Variants in MAP2K4 observed in about 807,000 individuals in gnomAD.
The protein encoded by MAP2K4 is dual specificity mitogen-activated protein kinase kinase 4.
Under a neutral mutation model 48.5 loss-of-function variants are expected in MAP2K4, and 4 were observed. That is an observed-to-expected ratio of 0.08 (90% CI 0.04 to 0.19). The LOEUF is 0.19. Ranked by LOEUF, MAP2K4 falls within the 10% of genes least tolerant of loss-of-function variation. MAP2K4 has a pLI of 1.00. For synonymous variants in MAP2K4, 166 were observed against 173.1 expected (o/e 0.96, Z 0.32); for missense variants, 258 against 493.3 (o/e 0.52, Z 4.52).
chr17:12,107,691 C>A, intron 4 of MAP2K4, 99 bp from the exon 5 acceptor site: 2 of 1,024,928 alleles, frequency 2.0e-6, no homozygotes, highest in Non-Finnish European at 2.9e-6. Flanking sequence ...TTGAAATAAG[C>A]AAGAATAAGA....
At position 12,110,445 on chromosome 17, in the gene MAP2K4, T is replaced by G. The variant is rs781442596; in HGVS notation, c.685+19T>G. On this transcript the variant is annotated intron_variant, in intron 6 of 10. Coordinates refer to ENST00000353533, the MANE Select transcript of MAP2K4 (RefSeq NM_003010.4). ...CACAGAGGTGGGTATGGATTGGTAT[T>G]TTTTGTAATAGAAATTAACTTTTTT... The G allele has an allele frequency of 1.3e-6, 2 of 1,567,626 alleles. No homozygotes were observed. Among genetic ancestry groups the G allele is most frequent in the South Asian group, 2.3e-5 (2 of 88,176 alleles).
At chr17:12,082,658 G>A (rs1971230728) in intron 3 of MAP2K4, among the ~76,000 whole-genome samples, 1 of 152,084 alleles carries the variant, frequency 6.6e-6, no homozygotes, top group South Asian at 2.1e-4. Flanking sequence ...CTTTTTGCTG[G>A]GTCATATGAA....
At chr17:12,106,561 A>G (rs1972119355) in intron 4 of MAP2K4, among the ~76,000 whole-genome samples, 1 of 152,122 alleles carries the variant, frequency 6.6e-6, no homozygotes. Flanking sequence ...ACAGGCATTA[A>G]TCTCCTATAT....
intron 2 of MAP2K4, among the ~76,000 whole-genome samples, chr17:12,066,883 G>GC (rs1567642009): frequency 6.6e-6 from 1 of 152,164 alleles, no homozygotes; most frequent in African/African-American, 2.4e-5. Context: ...TAGAGACGGG[G>GC]CTTCACCGTG....
intron 2 of MAP2K4, among the ~76,000 whole-genome samples, chr17:12,076,047 T>G (rs1333361944): frequency 6.6e-6 from 1 of 152,150 alleles, no homozygotes; most frequent in Non-Finnish European, 1.5e-5. Flanking sequence ...CTGGTACTGC[T>G]GCTGAATTTG....
At chr17:12,076,074 C>T (rs980038211) in intron 2 of MAP2K4, among the ~76,000 whole-genome samples, 2 of 152,090 alleles carry the variant, frequency 1.3e-5, no homozygotes, top group Admixed American at 1.3e-4. Flanking sequence ...AAACACACTG[C>T]ATCTAATAGA....
chr17:12,080,436 A>AT (rs1483178116), intron 2 of MAP2K4, among the ~76,000 whole-genome samples: 1 of 152,070 alleles, frequency 6.6e-6, no homozygotes, highest in African/African-American at 2.4e-5. Flanking sequence ...AAACAGATTG[A>AT]TTTTACATTT....
intron 7 of MAP2K4, among the ~76,000 whole-genome samples, chr17:12,116,704 A>G (rs144182443): frequency 0.011 from 1,723 of 152,264 alleles, 21 homozygotes; most frequent in Middle Eastern, 0.048. Flanking sequence ...CTACATCCAC[A>G]TCTTGCCCCA....
At chr17:12,118,324 G>A (rs547135392) in intron 7 of MAP2K4, among the ~76,000 whole-genome samples, 26 of 152,242 alleles carry the variant, frequency 1.7e-4, no homozygotes, top group African/African-American at 5.8e-4. Context: ...AAACTGTGAC[G>A]GGATGTATTA....
chr17:12,087,428 A>G (rs971819076), intron 3 of MAP2K4, among the ~76,000 whole-genome samples: 5 of 152,266 alleles, frequency 3.3e-5, no homozygotes, highest in African/African-American at 1.2e-4. Flanking sequence ...AGAAGATGAT[A>G]CCACTCTTAC....
At chr17:12,101,516 A>C (rs1310871261) in intron 4 of MAP2K4, among the ~76,000 whole-genome samples, 1 of 152,010 alleles carries the variant, frequency 6.6e-6, no homozygotes, top group African/African-American at 2.4e-5. Context: ...TTTAGAATCC[A>C]CTTGTCGATT....
chr17:12,083,464 G>A (rs1393253531), intron 3 of MAP2K4, among the ~76,000 whole-genome samples: 6 of 152,194 alleles, frequency 3.9e-5, no homozygotes, highest in African/African-American at 1.4e-4. Context: ...CAAACTGGTT[G>A]CTGTCACATG....
At chr17:12,128,884 G>C (rs1258988769) in intron 8 of MAP2K4, among the ~76,000 whole-genome samples, 2 of 152,156 alleles carry the variant, frequency 1.3e-5, no homozygotes, top group African/African-American at 4.8e-5. Flanking sequence ...CATTGTCTAG[G>C]CTTAAGTTTT....
At chr17:12,030,579 A>G (rs746039696) in intron 1 of MAP2K4, among the ~76,000 whole-genome samples, 19 of 152,342 alleles carry the variant, frequency 1.2e-4, no homozygotes, top group Non-Finnish European at 2.6e-4. Flanking sequence ...ATCATTGGCG[A>G]CATTCTGTCA....
chr17:12,057,897 T>C (rs771412866), intron 2 of MAP2K4, among the ~76,000 whole-genome samples: 5 of 152,186 alleles, frequency 3.3e-5, no homozygotes, highest in Admixed American at 2.0e-4. Context: ...GTTTGAATTA[T>C]TGATTTCCTC....
At chr17:12,067,229 A>G (rs1337111879) in intron 2 of MAP2K4, among the ~76,000 whole-genome samples, 1 of 152,222 alleles carries the variant, frequency 6.6e-6, no homozygotes, top group Non-Finnish European at 1.5e-5. Context: ...TTGTTGAATT[A>G]AAAACAATGT....
chr17:12,085,553 G>C (rs1288772187), intron 3 of MAP2K4, among the ~76,000 whole-genome samples: 1 of 151,988 alleles, frequency 6.6e-6, no homozygotes, highest in East Asian at 1.9e-4. Flanking sequence ...AACTTGTCTT[G>C]TTCTTTTGAA....
At chr17:12,122,336 G>A (rs575470714) in intron 7 of MAP2K4, among the ~76,000 whole-genome samples, 1 of 152,186 alleles carries the variant, frequency 6.6e-6, no homozygotes, top group East Asian at 1.9e-4. Flanking sequence ...AATTATTGAA[G>A]CCCTCAAAAT....
At chr17:12,136,593 C>T (rs964665322) in intron 9 of MAP2K4, among the ~76,000 whole-genome samples, 10 of 152,280 alleles carry the variant, frequency 6.6e-5, no homozygotes, top group East Asian at 1.9e-4. Flanking sequence ...AGTTTGCTAA[C>T]GGCTACCTTA....
Sources: allele counts gnomAD v4.1 joint callset (sites outside exome capture counted in the v4.1 genomes callset), GRCh38; gene constraint gnomAD v4.1.1; transcripts MANE v1.5; gene names NCBI Gene and HGNC (gene_info 2026-07-23, HGNC 2026-07-21).